The following PKHD1 variants were observed in gnomAD, a reference collection of about 807,000 sequenced individuals.
PKHD1 encodes the protein PKHD1 ciliary IPT domain containing fibrocystin/polyductin, also known as fibrocystin.
A neutral mutation model predicts 412.0 loss-of-function variants in PKHD1; 291 were observed. The observed-to-expected ratio is 0.71, with a 90% CI of 0.64 to 0.78. The LOEUF (loss-of-function observed/expected upper bound fraction) is 0.78. Ranked by LOEUF, PKHD1 falls within the 30% of genes least tolerant of loss-of-function variation. The pLI, the probability that PKHD1 is intolerant of heterozygous loss-of-function variation, is 0.00. For synonymous variants in PKHD1, 1,777 were observed against 1,821.5 expected (o/e 0.98, Z 0.62); for missense variants, 4,825 against 4,950.7 (o/e 0.97, Z 0.76).
At position 51,661,451 on chromosome 6, in the gene PKHD1, G is replaced by GGT. The variant is rs557272369; in HGVS notation, c.10157-1484_10157-1483dup. 5.1e-4 allele frequency among the ~76,000 whole-genome samples: 78 copies of GGT among 151,934 alleles called. No homozygotes were observed. The South Asian group carries it at 0.016, about 31-fold the overall frequency. On this transcript the variant is annotated intron_variant, in intron 60 of 66. Coordinates refer to ENST00000371117, the MANE Select transcript of PKHD1 (RefSeq NM_138694.4). ...TATGAAGGCATATTAAAATTGAAGA[G>GGT]GTGTGTCTGACCAGATTGTGAAAGA...
chr6:51,933,663 G>T (rs1470038155), intron 37 of PKHD1, among the ~76,000 whole-genome samples: 1 of 152,216 alleles, frequency 6.6e-6, no homozygotes, highest in Non-Finnish European at 1.5e-5. Flanking sequence ...AGAAGGAACT[G>T]CCTCTATCTG....
intron 60 of PKHD1, among the ~76,000 whole-genome samples, chr6:51,726,202 G>A (rs1193900369): frequency 2.0e-5 from 3 of 152,108 alleles, no homozygotes; most frequent in Non-Finnish European, 4.4e-5. Flanking sequence ...ACATTATCAG[G>A]CACTGGACAT....
chr6:51,996,582 T>C (rs2115815), intron 35 of PKHD1, among the ~76,000 whole-genome samples: 2,085 of 152,338 alleles, frequency 0.014, 51 homozygotes, highest in African/African-American at 0.047. Flanking sequence ...GTGTTTTATG[T>C]AGTCATTATG....
At chr6:51,907,980 T>C (rs1334657669) in intron 40 of PKHD1, among the ~76,000 whole-genome samples, 1 of 152,130 alleles carries the variant, frequency 6.6e-6, no homozygotes, top group African/African-American at 2.4e-5. Context: ...TAGGTAAAAT[T>C]TGATCAAGGA....
chr6:51,873,549 C>T (rs1776345985), intron 46 of PKHD1, among the ~76,000 whole-genome samples: 1 of 152,144 alleles, frequency 6.6e-6, no homozygotes, highest in African/African-American at 2.4e-5. Flanking sequence ...ATCCACTGAG[C>T]TATTCCCCTA....
rs1396459785 is a variant in PKHD1 at position 52,022,883 on chromosome 6, T to C, written c.5298A>G (p.Ser1766=). The change falls in exon 33 of 67, where the codon TCA becomes TCG. Residue 1766 remains serine, a synonymous_variant. Transcript: ENST00000371117. ...FGAGFSPGNV[S]AAVCGAPCRV... ...GGCAGGGAGCACCACACACAGCAGCTGAGACATTCCCTGGAGAAAATCCCG... is the reference window on the plus strand; with the variant it reads ...GGCAGGGAGCACCACACACAGCAGCCGAGACATTCCCTGGAGAAAATCCCG... The C allele has an allele frequency of 6.2e-7, 1 of 1,614,140 alleles. No individual in the cohort carries two copies. Among genetic ancestry groups the C allele is most frequent in the Non-Finnish European group, 8.5e-7 (1 of 1,180,002 alleles).
At position 51,709,324 on chromosome 6, in the gene PKHD1, G is replaced by A. The variant is rs554308573; in HGVS notation, c.10156+35061C>T. Among the ~76,000 whole-genome samples, 6 of 152,266 alleles carry A rather than the reference G, an allele frequency of 3.9e-5. No homozygotes were observed. In the South Asian group the frequency reaches 8.3e-4, roughly 21 times the overall value. On this transcript the variant is annotated intron_variant, in intron 60 of 66. Coordinates refer to ENST00000371117, the MANE Select transcript of PKHD1 (RefSeq NM_138694.4). ...CCATATTGCTGGTGTCCACAAAAAG[G>A]CCATGGAAACACTTCCAGGGGTGTA...
chr6:52,009,465 A>AT (rs1799527626), intron 35 of PKHD1, among the ~76,000 whole-genome samples: 1 of 152,256 alleles, frequency 6.6e-6, no homozygotes, highest in Non-Finnish European at 1.5e-5. Context: ...CGAGTGCCAC[A>AT]TAATAGGCAC....
At chr6:52,001,436 T>C (rs1476944209) in intron 35 of PKHD1, among the ~76,000 whole-genome samples, 1 of 151,270 alleles carries the variant, frequency 6.6e-6, no homozygotes, top group East Asian at 1.9e-4. Flanking sequence ...TTCTTCCTTT[T>C]TTTTTTTTTT....
intron 14 of PKHD1, among the ~76,000 whole-genome samples, chr6:52,060,825 A>G (rs1808560943): frequency 6.6e-6 from 1 of 152,154 alleles, no homozygotes; most frequent in Non-Finnish European, 1.5e-5. Context: ...CTTCAAACAT[A>G]ACTACTTTAA....
chr6:51,865,792 A>G (rs933264787), intron 48 of PKHD1, among the ~76,000 whole-genome samples: 1 of 152,220 alleles, frequency 6.6e-6, no homozygotes, highest in Non-Finnish European at 1.5e-5. Flanking sequence ...TCTCCATGAA[A>G]TGCAGCAAAG....
intron 48 of PKHD1, among the ~76,000 whole-genome samples, chr6:51,858,648 C>T (rs9370076): frequency 0.4 from 61,170 of 151,796 alleles, 13,511 homozygotes; most frequent in East Asian, 0.85. Context: ...AATCACAAGA[C>T]CTAAATCCAA....
intron 37 of PKHD1, among the ~76,000 whole-genome samples, chr6:51,920,256 T>C (rs974522571): frequency 1.3e-5 from 2 of 152,256 alleles, no homozygotes; most frequent in African/African-American, 4.8e-5. Context: ...TGATATTGGC[T>C]GTGGGTTTGT....
chr6:52,025,784 G>T lies in PKHD1; in HGVS notation c.4026C>A (p.Ser1342=). The stretch of plus-strand genomic sequence containing the variant: ...CAGACAGGCTCACGTTGCCCTGGAA[G>T]GACTGTGTCTCAACATCACAGTTCA... ...GNLNCDVETQ[S]FQGNVSLSGC... Residue 1342 remains serine (S), a synonymous_variant, in exon 32 of 67, where the codon TCC becomes TCA. Transcript: ENST00000371117. 1 of 1,614,190 alleles carries T rather than the reference G, an allele frequency of 6.2e-7. No homozygotes were observed. Among genetic ancestry groups the T allele is most frequent in the Non-Finnish European group, 8.5e-7 (1 of 1,180,020 alleles).
At chr6:51,994,548 G>C (rs1365900656) in intron 35 of PKHD1, among the ~76,000 whole-genome samples, 1 of 152,086 alleles carries the variant, frequency 6.6e-6, no homozygotes, top group African/African-American at 2.4e-5. Context: ...AGGTTCTTTG[G>C]TTTTGTTTTT....
At chr6:51,982,201 C>T (rs1167439898) in intron 35 of PKHD1, among the ~76,000 whole-genome samples, 5 of 39,618 alleles carry the variant, frequency 1.3e-4, no homozygotes, top group African/African-American at 1.5e-4. Context: ...GGTCAGCCCC[C>T]CGCCCGGCCA....
intron 49 of PKHD1, among the ~76,000 whole-genome samples, chr6:51,852,948 C>T (rs1772576460): frequency 6.6e-6 from 1 of 152,076 alleles, no homozygotes; most frequent in Non-Finnish European, 1.5e-5. Context: ...TTGATCCTGT[C>T]ATCTTGATAT....
At position 52,056,949 on chromosome 6, in the gene PKHD1, A is replaced by T. The variant is rs751497772; in HGVS notation, c.1543T>A (p.Phe515Ile). The T allele has an allele frequency of 1.2e-5, 20 of 1,613,812 alleles. No homozygotes were observed. The East Asian group carries it at 4.0e-4, about 32-fold the overall frequency. ...VLNVSGRGNFFLTWDNVSSQP... is the reference protein window; with the variant it reads ...VLNVSGRGNFILTWDNVSSQP... ...CTAGAGACATTGTCCCAAGTAAGGA[A>T]GAAGTTTCCTCTGCCTGATACATTC... Residue 515 changes from phenylalanine to isoleucine, a missense_variant, in exon 17 of 67, where the codon TTC (phenylalanine) becomes ATC (isoleucine). Transcript: ENST00000371117.
intron 35 of PKHD1, among the ~76,000 whole-genome samples, chr6:52,008,942 A>C (rs1581719258): frequency 6.6e-6 from 1 of 152,152 alleles, no homozygotes; most frequent in Middle Eastern, 3.4e-3. Context: ...CATCCCAACA[A>C]CACCAGGTTA....
Sources: allele counts gnomAD v4.1 joint callset (sites outside exome capture counted in the v4.1 genomes callset), GRCh38; gene constraint gnomAD v4.1.1; transcripts MANE v1.5; gene names NCBI Gene and HGNC (gene_info 2026-07-23, HGNC 2026-07-21).